The following OLA1 variants were observed in gnomAD, a reference collection of about 807,000 sequenced individuals.
The protein encoded by OLA1 is obg-like ATPase 1.
In OLA1, 14 loss-of-function variants were observed where a neutral mutation model predicts 48.4. That is an observed-to-expected ratio of 0.29 (90% CI 0.19 to 0.45). The LOEUF (loss-of-function observed/expected upper bound fraction) is 0.45, where lower values mean the gene tolerates loss of function less well. Among genes scored for constraint, OLA1 ranks in the 20% least tolerant of loss-of-function variants. The pLI, the probability that OLA1 is intolerant of heterozygous loss-of-function variation, is 1.00. For missense variants in OLA1, 325 were observed against 467.1 expected, an observed-to-expected ratio of 0.70 and a Z score of 2.80; for synonymous variants, 127 against 150.4, an observed-to-expected ratio of 0.84 and a Z score of 1.14.
At chr2:174,109,330 A>T (rs1352010551) in intron 7 of OLA1, among the ~76,000 whole-genome samples, 1 of 152,192 alleles carries the variant, frequency 6.6e-6, no homozygotes, top group Admixed American at 6.5e-5. Flanking sequence ...AATGTCCAAG[A>T]TATAGCAAGT....
intron 4 of OLA1, among the ~76,000 whole-genome samples, chr2:174,220,765 G>C (rs532539532): frequency 6.6e-6 from 1 of 152,242 alleles, no homozygotes; most frequent in African/African-American, 2.4e-5. Context: ...TGAGGCAAAA[G>C]TTAATTTTTA....
At chr2:174,156,956 C>T (rs1686899758) in intron 4 of OLA1, among the ~76,000 whole-genome samples, 1 of 150,344 alleles carries the variant, frequency 6.7e-6, no homozygotes, top group South Asian at 2.1e-4. Flanking sequence ...GACTGATGGT[C>T]ACAAAGTAGT....
intron 7 of OLA1, among the ~76,000 whole-genome samples, chr2:174,082,792 G>A (rs1422952358): frequency 6.6e-6 from 1 of 152,072 alleles, no homozygotes; most frequent in Non-Finnish European, 1.5e-5. Context: ...AGACATTATT[G>A]AGTCATTTTT....
intron 7 of OLA1, among the ~76,000 whole-genome samples, chr2:174,109,396 A>T (rs1256233032): frequency 6.6e-6 from 1 of 151,856 alleles, no homozygotes; most frequent in East Asian, 1.9e-4. Flanking sequence ...AATAGATTTT[A>T]AAAAAATAAT....
chr2:174,183,216 T>C (rs1280702000), intron 4 of OLA1, among the ~76,000 whole-genome samples: 1 of 152,150 alleles, frequency 6.6e-6, no homozygotes, highest in Non-Finnish European at 1.5e-5. Context: ...TTAGTTACAA[T>C]GTGTTGGCAT....
chr2:174,126,171 C>A (rs1305840886), intron 5 of OLA1, among the ~76,000 whole-genome samples: 1 of 151,810 alleles, frequency 6.6e-6, no homozygotes, highest in South Asian at 2.1e-4. Flanking sequence ...TATTCTTTAT[C>A]GGAAAAACTT....
At chr2:174,189,599 C>T (rs750414076) in intron 4 of OLA1, among the ~76,000 whole-genome samples, 1 of 152,088 alleles carries the variant, frequency 6.6e-6, no homozygotes, top group Non-Finnish European at 1.5e-5. Flanking sequence ...TCTCTCCTAG[C>T]AAAGTGCAAA....
chr2:174,213,402 T>G (rs1204493094), intron 4 of OLA1, among the ~76,000 whole-genome samples: 1 of 152,128 alleles, frequency 6.6e-6, no homozygotes, highest in Non-Finnish European at 1.5e-5. Context: ...CACACAAATG[T>G]CTTAGATTCC....
At chr2:174,227,358 T>C (rs951972675) in intron 3 of OLA1, among the ~76,000 whole-genome samples, 1 of 152,220 alleles carries the variant, frequency 6.6e-6, no homozygotes, top group African/African-American at 2.4e-5. Context: ...AAATAAAGTC[T>C]ATGAATTAGA....
intron 2 of OLA1, among the ~76,000 whole-genome samples, chr2:174,242,348 G>C (rs1159957344): frequency 6.6e-6 from 1 of 152,192 alleles, no homozygotes; most frequent in Non-Finnish European, 1.5e-5. Context: ...CAGGGCCTGC[G>C]CTCCTCTGAG....
intron 7 of OLA1, among the ~76,000 whole-genome samples, chr2:174,115,896 T>C (rs1285760427): frequency 6.6e-6 from 1 of 152,212 alleles, no homozygotes; most frequent in Admixed American, 6.5e-5. Flanking sequence ...GGATGTCTAT[T>C]ACTCCATGAG....
chr2:174,081,102 A>G (rs1449857483), intron 9 of OLA1, 50 bp downstream of exon 9: 1 of 1,454,134 alleles, frequency 6.9e-7, no homozygotes, highest in African/African-American at 1.4e-5. Context: ...ATCAATCTGA[A>G]TTCAATAGTG....
chr2:174,110,907 G>C (rs1318023998), intron 7 of OLA1, among the ~76,000 whole-genome samples: 1 of 152,128 alleles, frequency 6.6e-6, no homozygotes, highest in Non-Finnish European at 1.5e-5. Context: ...ATATAAGCAG[G>C]ACTCAAGTTA....
chr2:174,124,567 G>C (rs1225887354), intron 5 of OLA1, among the ~76,000 whole-genome samples: 2 of 152,140 alleles, frequency 1.3e-5, no homozygotes, highest in Non-Finnish European at 2.9e-5. Context: ...TTACAGGCAG[G>C]TGTTAATAAA....
chr2:174,208,494 A>G (rs1010534591), intron 4 of OLA1, among the ~76,000 whole-genome samples: 1 of 152,164 alleles, frequency 6.6e-6, no homozygotes, highest in Non-Finnish European at 1.5e-5. Context: ...CTCTCACCTC[A>G]GAAGAATATA....
At chr2:174,192,527 A>C (rs932508417) in intron 4 of OLA1, among the ~76,000 whole-genome samples, 13 of 152,154 alleles carry the variant, frequency 8.5e-5, no homozygotes, top group Non-Finnish European at 1.5e-4. Context: ...AAACCATATG[A>C]CCCTCAAAGC....
intron 4 of OLA1, among the ~76,000 whole-genome samples, chr2:174,205,968 A>G (rs184134705): frequency 1.9e-3 from 289 of 152,332 alleles, no homozygotes; most frequent in African/African-American, 6.6e-3. Context: ...AAATGGCACT[A>G]CCAAGCCATA....
chr2:174,161,907 T>A (rs17319260), intron 4 of OLA1, among the ~76,000 whole-genome samples: 10,124 of 152,200 alleles, frequency 0.067, 483 homozygotes, highest in Non-Finnish European at 0.1. Flanking sequence ...ATTTTAGGTA[T>A]CTAGGGAGAG....
chr2:174,201,246 T>C (rs1687983833), intron 4 of OLA1, among the ~76,000 whole-genome samples: 1 of 152,176 alleles, frequency 6.6e-6, no homozygotes, highest in Non-Finnish European at 1.5e-5. Flanking sequence ...CAACATACAA[T>C]ATGAGAGAAG....
Sources: allele counts gnomAD v4.1 joint callset (sites outside exome capture counted in the v4.1 genomes callset), GRCh38; gene constraint gnomAD v4.1.1; transcripts MANE v1.5; gene names NCBI Gene and HGNC (gene_info 2026-07-23, HGNC 2026-07-21).